C12orf56: variants seen among roughly 807,000 people sequenced by gnomAD.
C12orf56 encodes the protein uncharacterized protein C12orf56.
A neutral mutation model predicts 69.9 loss-of-function variants in C12orf56; 71 were observed. The ratio of observed to expected loss-of-function variants is 1.02; its 90% CI spans 0.84 to 1.24. The LOEUF is 1.24. Ranked by LOEUF, C12orf56 falls within the 50% of genes most tolerant of loss-of-function variation. C12orf56 has a pLI of 0.00. For missense variants in C12orf56, 732 were observed against 738.5 expected, an observed-to-expected ratio of 0.99 and a Z score of 0.10; for synonymous variants, 276 against 274.1, an observed-to-expected ratio of 1.01 and a Z score of -0.07.
At chr12:64,354,882 C>G (rs1213293983) in intron 1 of C12orf56, among the ~76,000 whole-genome samples, 2 of 150,592 alleles carry the variant, frequency 1.3e-5, no homozygotes, top group African/African-American at 4.9e-5. Context: ...AGTTCGAGAC[C>G]AGCCTGACCA....
At chr12:64,310,904 T>G (rs903659399) in intron 5 of C12orf56, among the ~76,000 whole-genome samples, 6 of 151,054 alleles carry the variant, frequency 4.0e-5, no homozygotes, top group Non-Finnish European at 7.4e-5. Flanking sequence ...GTGTATGATG[T>G]CCCCCTTCCT....
At chr12:64,386,545 T>C (rs1330730117) in intron 1 of C12orf56, among the ~76,000 whole-genome samples, 1 of 152,028 alleles carries the variant, frequency 6.6e-6, no homozygotes, top group African/African-American at 2.4e-5. Flanking sequence ...TATAGGCATG[T>C]GCCACCACGC....
chr12:64,322,217 T>C (rs762853000), intron 3 of C12orf56, among the ~76,000 whole-genome samples: 2 of 151,896 alleles, frequency 1.3e-5, no homozygotes, highest in African/African-American at 2.4e-5. Flanking sequence ...CTTTTTATAC[T>C]GCCACACAGT....
chr12:64,281,137 G>T (rs2136758873), intron 8 of C12orf56, among the ~76,000 whole-genome samples: 1 of 152,112 alleles, frequency 6.6e-6, no homozygotes, highest in Non-Finnish European at 1.5e-5. Flanking sequence ...GCAGGGTGTG[G>T]TGGTGCATGC....
chr12:64,314,882 G>T (rs1348157952), intron 4 of C12orf56, among the ~76,000 whole-genome samples: 2 of 140,100 alleles, frequency 1.4e-5, no homozygotes, highest in Non-Finnish European at 3.1e-5. Flanking sequence ...TGATCCGCCC[G>T]CCTCGGCCTC....
At position 64,369,205 on chromosome 12, in the gene C12orf56, G is replaced by A. The variant is rs551073125; in HGVS notation, c.253-16149C>T. ...AGGTAAAAATAAAAGACAGTTAAAT[G>A]TCTTTTTTTTTAGACGGAGTTTCAT... On this transcript the variant is annotated intron_variant, in intron 1 of 12. Transcript: ENST00000543942. 2.6e-5 allele frequency among the ~76,000 whole-genome samples: 4 copies of A among 151,054 alleles called. No homozygotes were observed. In the South Asian group the frequency reaches 8.4e-4, roughly 32 times the overall value.
At chr12:64,378,440 CTT>C (rs532430643) in intron 1 of C12orf56, among the ~76,000 whole-genome samples, 4 of 144,910 alleles carry the variant, frequency 2.8e-5, no homozygotes, top group East Asian at 2.0e-4. Flanking sequence ...TATCTTGGGA[CTT>C]TTTTTTTTTT....
intron 2 of C12orf56, among the ~76,000 whole-genome samples, chr12:64,340,285 G>A (rs1199913117): frequency 6.6e-6 from 1 of 152,026 alleles, no homozygotes; most frequent in African/African-American, 2.4e-5. Flanking sequence ...ATAAGCGTGG[G>A]TCTGCCTTCC....
At chr12:64,297,801 T>A in intron 6 of C12orf56, among the ~76,000 whole-genome samples, 1 of 152,172 alleles carries the variant, frequency 6.6e-6, no homozygotes, top group Non-Finnish European at 1.5e-5. Context: ...GACATTTGGG[T>A]TGGTTCCAAG....
At chr12:64,373,853 A>G (rs2039605661) in intron 1 of C12orf56, among the ~76,000 whole-genome samples, 1 of 152,216 alleles carries the variant, frequency 6.6e-6, no homozygotes, top group Admixed American at 6.5e-5. Context: ...ATCTACTAAC[A>G]CAGTGGCCAA....
rs1219306557 is a variant in C12orf56 at position 64,331,001 on chromosome 12, C to A, written c.447G>T (p.Trp149Cys). 1.3e-6 allele frequency: 2 copies of A among 1,555,246 alleles called. No individual in the cohort carries two copies. The highest frequency in any genetic ancestry group is 1.7e-6 in the Non-Finnish European group (2 of 1,148,790). ...VKEEKNGLAF[W>C]RSKESRSLKE... ...TCAGACTTCTGGACTCTTTGCTTCT[C>A]CAAAAGGCAAGGCCGTTCTTTTCTT... Residue 149 changes from tryptophan (W) to cysteine (C), a missense_variant, in exon 3 of 13, where the codon TGG becomes TGT. Coordinates refer to ENST00000543942, the MANE Select transcript of C12orf56 (RefSeq NM_001170633.2).
At chr12:64,303,023 A>G (rs2038466700) in intron 6 of C12orf56, among the ~76,000 whole-genome samples, 1 of 152,104 alleles carries the variant, frequency 6.6e-6, no homozygotes, top group African/African-American at 2.4e-5. Flanking sequence ...CTGTAACTCC[A>G]GCATTTTGGG....
At chr12:64,321,674 T>G (rs2038775604) in intron 3 of C12orf56, among the ~76,000 whole-genome samples, 1 of 152,112 alleles carries the variant, frequency 6.6e-6, no homozygotes, top group Non-Finnish European at 1.5e-5. Context: ...AACTCATTTA[T>G]TTTTTTAAAC....
intron 2 of C12orf56, among the ~76,000 whole-genome samples, chr12:64,347,744 G>A (rs1337973709): frequency 6.6e-6 from 1 of 152,140 alleles, no homozygotes; most frequent in Non-Finnish European, 1.5e-5. Context: ...CGTTTTAAAG[G>A]GAAGACAAAA....
In C12orf56 at chr12:64,270,698, C is replaced by A; in HGVS notation, c.1601G>T (p.Ser534Ile). The A allele has an allele frequency of 6.2e-7, 1 of 1,608,290 alleles. No individual in the cohort carries two copies. Among genetic ancestry groups the A allele is most frequent in the Non-Finnish European group, 8.5e-7 (1 of 1,178,230 alleles). ...SCPPIITFVA[S>I]IVKQVVRGLS... The stretch of plus-strand genomic sequence containing the variant: ...ACCCCTCACCACTTGTTTCACAATA[C>A]TGGCCACAAAAGTAATCTAGACAAG... Residue 534 changes from serine to isoleucine, a missense_variant, in exon 12 of 13, where the codon AGT becomes ATT. Physicochemically the swap from Ser to Ile is moderately radical, Grantham distance 142. Coordinates refer to ENST00000543942, the MANE Select transcript of C12orf56 (RefSeq NM_001170633.2).
chr12:64,390,505 G>T lies in C12orf56; in HGVS notation c.61C>A (p.Leu21Met). ...ARRNSRLDVF[L>M]RRHLPPEVYD... ...ACCTCGGGCGGCAGATGCCGCCGCA[G>T]GAACACATCCAGGCGGCTGTTCCTG... Residue 21 changes from leucine (L) to methionine (M), a missense_variant, in exon 1 of 13, where the codon CTG (leucine) becomes ATG (methionine). By Grantham distance (15) the Leu-to-Met change is conservative. Transcript: ENST00000543942. 1 of 1,601,018 alleles carries T rather than the reference G, an allele frequency of 6.2e-7. No individual in the cohort carries two copies.
At chr12:64,369,435 C>T (rs1003789589) in intron 1 of C12orf56, among the ~76,000 whole-genome samples, 9 of 151,886 alleles carry the variant, frequency 5.9e-5, no homozygotes, top group African/African-American at 1.5e-4. Context: ...TGACTACAAG[C>T]GATCTGCCAG....
intron 1 of C12orf56, among the ~76,000 whole-genome samples, chr12:64,361,282 T>C (rs2039396770): frequency 2.0e-5 from 3 of 151,994 alleles, no homozygotes; most frequent in Admixed American, 2.0e-4. Context: ...CCCACCAATA[T>C]AAATGGTAAT....
chr12:64,365,702 A>ATAATATAATATATT (rs1565776605), intron 1 of C12orf56, among the ~76,000 whole-genome samples: 8 of 145,434 alleles, frequency 5.5e-5, no homozygotes, highest in African/African-American at 1.8e-4. Context: ...ATTATATAAT[A>ATAATATAATATATT]CAATATATAG....
Sources: gnomAD v4.1 joint callset for allele counts (sites outside exome capture counted in the v4.1 genomes callset) on GRCh38, gnomAD v4.1.1 for gene constraint, MANE v1.5 for transcripts, NCBI Gene and HGNC (gene_info 2026-07-23, HGNC 2026-07-21) for gene names.